The following GRXCR1 variants were observed in gnomAD, a reference collection of about 807,000 sequenced individuals.
GRXCR1 encodes the protein glutaredoxin and cysteine rich domain containing 1.
GRXCR1 carries 27 observed loss-of-function variants against 27.3 expected under a neutral mutation model. That is an observed-to-expected ratio of 0.99 (90% CI 0.73 to 1.37). The LOEUF is 1.37. GRXCR1 is among the 40% of genes most tolerant of loss of function. The pLI, the probability that GRXCR1 is intolerant of heterozygous loss-of-function variation, is 0.00. For synonymous variants in GRXCR1, 122 were observed against 131.1 expected, an observed-to-expected ratio of 0.93 and a Z score of 0.47; for missense variants, 379 against 354.4, an observed-to-expected ratio of 1.07 and a Z score of -0.56.
chr4:42,913,179 C>A (rs991118957), intron 1 of GRXCR1, among the ~76,000 whole-genome samples: 1 of 152,126 alleles, frequency 6.6e-6, no homozygotes, highest in Admixed American at 6.6e-5. Context: ...AGGAGTGGGG[C>A]ACTGCTGTAA....
At chr4:42,997,798 C>T (rs1712221031) in intron 2 of GRXCR1, among the ~76,000 whole-genome samples, 1 of 152,032 alleles carries the variant, frequency 6.6e-6, no homozygotes, top group Non-Finnish European at 1.5e-5. Context: ...CAATAAAGGC[C>T]CCTGCCCTCA....
chr4:42,978,163 C>G (rs1748567642), intron 2 of GRXCR1, among the ~76,000 whole-genome samples: 1 of 151,996 alleles, frequency 6.6e-6, no homozygotes, highest in South Asian at 2.1e-4. Context: ...GTCTATGTAT[C>G]AATTTACTTG....
At chr4:42,917,396 G>C (rs1746909703) in intron 1 of GRXCR1, among the ~76,000 whole-genome samples, 1 of 152,142 alleles carries the variant, frequency 6.6e-6, no homozygotes, top group African/African-American at 2.4e-5. Flanking sequence ...TGTTGTGCTA[G>C]GCAGACTGCT....
rs557796495 is a variant in GRXCR1 at position 42,989,859 on chromosome 4, A to AT, written c.627+26732dup. On this transcript the variant is annotated intron_variant, in intron 2 of 3. Transcript: ENST00000399770. ...CCTATCTGCAAGCACCTCTCAAGTA[A>AT]TTTTTTTCTGCTAAATATGGGGTTC... Among the ~76,000 whole-genome samples the AT allele has an allele frequency of 3.0e-3, 463 of 152,154 alleles. 1 individual carries two copies. Among genetic ancestry groups the AT allele is most frequent in the Non-Finnish European group, 5.5e-3 (373 of 68,002 alleles).
chr4:42,985,687 T>C (rs1346037797), intron 2 of GRXCR1, among the ~76,000 whole-genome samples: 1 of 152,056 alleles, frequency 6.6e-6, no homozygotes, highest in Non-Finnish European at 1.5e-5. Context: ...GTACATTTTT[T>C]AGAGTGCGAT....
intron 2 of GRXCR1, among the ~76,000 whole-genome samples, chr4:43,006,210 A>G (rs982364200): frequency 6.6e-6 from 1 of 152,186 alleles, no homozygotes; most frequent in African/African-American, 2.4e-5. Context: ...TAATAATTGC[A>G]TTAACTGCAC....
At chr4:42,914,985 C>A (rs1056102058) in intron 1 of GRXCR1, among the ~76,000 whole-genome samples, 8 of 152,110 alleles carry the variant, frequency 5.3e-5, no homozygotes, top group Admixed American at 2.0e-4. Context: ...TTTCCTGAGG[C>A]CTTGTAAGTT....
intron 2 of GRXCR1, among the ~76,000 whole-genome samples, chr4:42,982,192 C>G (rs1481612276): frequency 6.6e-5 from 10 of 151,654 alleles, no homozygotes; most frequent in African/African-American, 2.4e-4. Flanking sequence ...TCTCCTGATG[C>G]TATCCCTCCC....
At chr4:42,987,229 T>TTATATATATATAA (rs1711777547) in intron 2 of GRXCR1, among the ~76,000 whole-genome samples, 1 of 92,236 alleles carries the variant, frequency 1.1e-5, no homozygotes, top group East Asian at 3.0e-4. Context: ...ATATTATATA[T>TTATATATATATAA]TATATATATA....
At chr4:42,921,581 T>C (rs917595951) in intron 1 of GRXCR1, among the ~76,000 whole-genome samples, 1 of 152,098 alleles carries the variant, frequency 6.6e-6, no homozygotes, top group Admixed American at 6.6e-5. Context: ...CCTGAGTATA[T>C]GTACTCAGTC....
intron 1 of GRXCR1, among the ~76,000 whole-genome samples, chr4:42,894,750 T>C (rs1437336849): frequency 4.6e-5 from 7 of 152,184 alleles, no homozygotes; most frequent in African/African-American, 1.4e-4. Flanking sequence ...TGGGGTGAGG[T>C]TGGAGACTGA....
At chr4:42,925,642 A>G (rs188881972) in intron 1 of GRXCR1, among the ~76,000 whole-genome samples, 17 of 152,162 alleles carry the variant, frequency 1.1e-4, no homozygotes, top group African/African-American at 3.9e-4. Context: ...AAAATGTTGC[A>G]GTCTATTTCC....
intron 3 of GRXCR1, 82 bp from the exon 4 acceptor site, chr4:43,030,279 T>C (rs752509909): frequency 7.7e-7 from 1 of 1,290,974 alleles, no homozygotes. Flanking sequence ...CCACTCACAG[T>C]TCAGAAAGAC....
intron 1 of GRXCR1, among the ~76,000 whole-genome samples, chr4:42,932,609 TATATATATATAGAGAGAG>T (rs1360425842): frequency 3.9e-3 from 201 of 51,028 alleles, no homozygotes; most frequent in Middle Eastern, 0.011. Flanking sequence ...TATATATATA[TATATATATATAGAGAGAG>T]AGAGAGAGAG....
intron 1 of GRXCR1, among the ~76,000 whole-genome samples, chr4:42,904,383 G>GC (rs1746537131): frequency 6.6e-6 from 1 of 152,098 alleles, no homozygotes; most frequent in Admixed American, 6.6e-5. Flanking sequence ...AGAAATCAAA[G>GC]CCCCCCTTTT....
chr4:43,002,604 T>C (rs1431263258), intron 2 of GRXCR1, among the ~76,000 whole-genome samples: 1 of 152,346 alleles, frequency 6.6e-6, no homozygotes, highest in East Asian at 1.9e-4. Flanking sequence ...GAGTCTCTTA[T>C]GTCTTCCCTT....
intron 1 of GRXCR1, among the ~76,000 whole-genome samples, chr4:42,948,000 G>T (rs572784709): frequency 4.5e-4 from 68 of 152,272 alleles, no homozygotes; most frequent in Non-Finnish European, 8.2e-4. Flanking sequence ...TGGGGAAATT[G>T]CAGAAGAGAT....
chr4:43,002,151 C>T (rs1712389119), intron 2 of GRXCR1, among the ~76,000 whole-genome samples: 1 of 152,262 alleles, frequency 6.6e-6, no homozygotes, highest in African/African-American at 2.4e-5. Flanking sequence ...CAGTGGCCTT[C>T]CTCTATCTCA....
chr4:43,030,174 G>A (rs1018781004), intron 3 of GRXCR1, among the ~76,000 whole-genome samples, 187 bp from the exon 4 acceptor site: 4 of 152,158 alleles, frequency 2.6e-5, no homozygotes, highest in Non-Finnish European at 5.9e-5. Context: ...GGGGAATGAA[G>A]GAGAATTTCA....
Sources: allele counts gnomAD v4.1 joint callset (sites outside exome capture counted in the v4.1 genomes callset), GRCh38; gene constraint gnomAD v4.1.1; transcripts MANE v1.5; gene names NCBI Gene and HGNC (gene_info 2026-07-23, HGNC 2026-07-21).